The following EPM2A variants were observed in gnomAD, a reference collection of about 807,000 sequenced individuals.
EPM2A encodes the protein laforin.
Under a neutral mutation model 26.5 loss-of-function variants are expected in EPM2A, and 21 were observed. The observed-to-expected ratio is 0.79, with a 90% CI of 0.56 to 1.14. The LOEUF is 1.14. EPM2A is among the 50% of genes most tolerant of loss of function. EPM2A has a pLI of 0.00. For synonymous variants in EPM2A, 217 were observed against 177.6 expected (o/e 1.22, Z -1.76); for missense variants, 458 against 440.8 (o/e 1.04, Z -0.35).
chr6:145,556,415 G>T (rs530342523), intron 2 of EPM2A, among the ~76,000 whole-genome samples: 4 of 152,212 alleles, frequency 2.6e-5, no homozygotes, highest in African/African-American at 7.2e-5. Flanking sequence ...AATTTTCTGA[G>T]CTTAGAAGAT....
chr6:145,706,950 A>G (rs1162106587), intron 1 of EPM2A, among the ~76,000 whole-genome samples: 3 of 152,148 alleles, frequency 2.0e-5, no homozygotes, highest in Non-Finnish European at 2.9e-5. Context: ...CATTAGTGGG[A>G]TTAGTGTCTT....
At chr6:145,526,932 T>A (rs1016022661) in intron 2 of EPM2A, among the ~76,000 whole-genome samples, 1 of 152,010 alleles carries the variant, frequency 6.6e-6, no homozygotes, top group Non-Finnish European at 1.5e-5. Flanking sequence ...TGCTGTCAAC[T>A]TTTTTTCTTA....
intron 4 of EPM2A, among the ~76,000 whole-genome samples, chr6:145,433,210 C>G (rs577110759): frequency 2.8e-4 from 42 of 152,298 alleles, no homozygotes; most frequent in African/African-American, 9.1e-4. Context: ...TCTTGTCTTA[C>G]ATAACTTGGC....
intron 2 of EPM2A, among the ~76,000 whole-genome samples, chr6:145,530,443 T>G (rs1037101514): frequency 1.3e-5 from 2 of 152,078 alleles, no homozygotes; most frequent in Non-Finnish European, 2.9e-5. Flanking sequence ...TGGGGGTGCA[T>G]AGCAGAAGCC....
chr6:145,648,223 C>T (rs528613211), intron 2 of EPM2A, among the ~76,000 whole-genome samples: 10 of 152,220 alleles, frequency 6.6e-5, no homozygotes, highest in East Asian at 3.9e-4. Flanking sequence ...ACTTTTTCTT[C>T]GACCTTAAGT....
At chr6:145,424,566 A>C (rs1416085604) in intron 4 of EPM2A, among the ~76,000 whole-genome samples, 1 of 152,226 alleles carries the variant, frequency 6.6e-6, no homozygotes, top group Non-Finnish European at 1.5e-5. Flanking sequence ...TATTAGATAT[A>C]GATCTAAATA....
intron 1 of EPM2A, among the ~76,000 whole-genome samples, chr6:145,694,329 A>G (rs886574344): frequency 3.3e-5 from 5 of 152,154 alleles, no homozygotes; most frequent in Admixed American, 2.0e-4. Context: ...AACATGATAT[A>G]GTCATTACAA....
chr6:145,401,643 A>G (rs563104181), intron 4 of EPM2A, among the ~76,000 whole-genome samples: 11 of 152,280 alleles, frequency 7.2e-5, no homozygotes, highest in Non-Finnish European at 1.3e-4. Flanking sequence ...TCTGGATTTC[A>G]TGGGCTGAAT....
intron 2 of EPM2A, among the ~76,000 whole-genome samples, chr6:145,684,057 C>G (rs983492887): frequency 6.6e-6 from 1 of 151,790 alleles, no homozygotes; most frequent in African/African-American, 2.4e-5. Context: ...AAGAAAGATT[C>G]ATGAATATAC....
chr6:145,722,650 G>T (rs1194633822), intron 1 of EPM2A: 25 of 383,922 alleles, frequency 6.5e-5, no homozygotes, highest in South Asian at 4.7e-4. Context: ...GTTGAGCTGT[G>T]TCCCCCAAAA....
intron 3 of EPM2A, chr6:145,628,223 C>T (rs1049263522): frequency 2.5e-5 from 4 of 159,974 alleles, no homozygotes; most frequent in African/African-American, 9.6e-5. Context: ...TGGCTAACAT[C>T]ATTCGATACA....
intron 4 of EPM2A, among the ~76,000 whole-genome samples, chr6:145,458,626 G>A (rs2114714727): frequency 6.6e-6 from 1 of 152,206 alleles, no homozygotes; most frequent in African/African-American, 2.4e-5. Context: ...AGTGGAGTTT[G>A]GGGGAGATAG....
chr6:145,653,524 G>A (rs1778044544), intron 2 of EPM2A, among the ~76,000 whole-genome samples: 2 of 152,158 alleles, frequency 1.3e-5, no homozygotes, highest in African/African-American at 4.8e-5. Context: ...GCACTCAACT[G>A]TTATTTTTTT....
chr6:145,653,686 G>A (rs1474196652), intron 2 of EPM2A, among the ~76,000 whole-genome samples: 3 of 152,198 alleles, frequency 2.0e-5, no homozygotes, highest in Non-Finnish European at 1.5e-5. Flanking sequence ...GAGATCCAGG[G>A]AAGAGCTGCA....
intron 4 of EPM2A, among the ~76,000 whole-genome samples, chr6:145,476,769 A>G (rs973422025): frequency 3.3e-5 from 5 of 152,036 alleles, no homozygotes; most frequent in Non-Finnish European, 7.4e-5. Flanking sequence ...GGAAGACACA[A>G]CATATCAAAA....
chr6:145,690,021 T>G (rs1388230771), intron 1 of EPM2A, among the ~76,000 whole-genome samples: 1 of 151,878 alleles, frequency 6.6e-6, no homozygotes, highest in East Asian at 1.9e-4. Flanking sequence ...AACAAGGCAT[T>G]CCTCCCTGTC....
intron 2 of EPM2A, among the ~76,000 whole-genome samples, chr6:145,563,327 G>A (rs552917115): frequency 2.0e-5 from 3 of 152,042 alleles, no homozygotes; most frequent in South Asian, 2.1e-4. Flanking sequence ...AGTTGAGACC[G>A]AAGGATGAAA....
At chr6:145,574,064 G>C (rs1331124647) in intron 2 of EPM2A, among the ~76,000 whole-genome samples, 1 of 152,110 alleles carries the variant, frequency 6.6e-6, no homozygotes, top group Non-Finnish European at 1.5e-5. Context: ...TAAATTGTTG[G>C]TAATGTAGTG....
At chr6:145,610,745 C>A (rs961466718) in intron 2 of EPM2A, among the ~76,000 whole-genome samples, 3 of 152,202 alleles carry the variant, frequency 2.0e-5, no homozygotes, top group Non-Finnish European at 4.4e-5. Flanking sequence ...TGATATCCTT[C>A]TTCAGACTTG....
Sources: gnomAD v4.1 joint callset for allele counts (sites outside exome capture counted in the v4.1 genomes callset) on GRCh38, gnomAD v4.1.1 for gene constraint, MANE v1.5 for transcripts, NCBI Gene and HGNC (gene_info 2026-07-23, HGNC 2026-07-21) for gene names.